Variants in SAMD8 observed in about 807,000 individuals in gnomAD.
SAMD8 encodes sterile alpha motif domain containing 8, also known as sphingomyelin synthase-related protein 1.
In SAMD8, 20 loss-of-function variants were observed where a neutral mutation model predicts 42.0. The ratio of observed to expected loss-of-function variants is 0.48; its 90% CI spans 0.34 to 0.69. SAMD8 has a LOEUF of 0.69. SAMD8 is among the 30% of genes least tolerant of loss of function. The pLI, the probability that SAMD8 is intolerant of heterozygous loss-of-function variation, is 0.01. For synonymous variants in SAMD8, 162 were observed against 173.0 expected (o/e 0.94, Z 0.50); for missense variants, 328 against 511.6 (o/e 0.64, Z 3.46).
upstream of SAMD8, chr10:75,109,134 C>G: frequency 6.2e-7 from 1 of 1,603,692 alleles, no homozygotes; most frequent in Non-Finnish European, 8.5e-7. Flanking sequence ...CTCCCCCCAG[C>G]TCTGGGAGAG....
intron 2 of SAMD8, chr10:75,164,432 C>A: frequency 1.3e-5 from 9 of 706,878 alleles, no homozygotes; most frequent in Non-Finnish European, 1.6e-5. Context: ...AGAACCCTAA[C>A]TGGGAATCAA....
At chr10:75,118,587 T>G (rs557742588) in intron 1 of SAMD8, among the ~76,000 whole-genome samples, 23 of 152,292 alleles carry the variant, frequency 1.5e-4, no homozygotes, top group Admixed American at 1.4e-3. Context: ...GAGGCTGCAG[T>G]GGGCTGAGAT....
chr10:75,144,731 C>A (rs1333167237), intron 1 of SAMD8, among the ~76,000 whole-genome samples: 1 of 152,022 alleles, frequency 6.6e-6, no homozygotes, highest in Non-Finnish European at 1.5e-5. Context: ...GATCTCAGTC[C>A]ACTGCAGCCT....
chr10:75,161,779 G>A (rs561206209), intron 2 of SAMD8, among the ~76,000 whole-genome samples: 3 of 151,914 alleles, frequency 2.0e-5, no homozygotes, highest in Non-Finnish European at 2.9e-5. Flanking sequence ...CTTTGGGAGC[G>A]CTTTGGGAGC....
intron 1 of SAMD8, among the ~76,000 whole-genome samples, chr10:75,132,698 T>A (rs1849300381): frequency 3.0e-5 from 1 of 33,602 alleles, no homozygotes; most frequent in East Asian, 0.033. Context: ...AAAGGCAGAT[T>A]TTTTTTTTTG....
At chr10:75,124,214 C>T (rs968942160) in intron 1 of SAMD8, among the ~76,000 whole-genome samples, 11 of 152,120 alleles carry the variant, frequency 7.2e-5, no homozygotes, top group African/African-American at 2.7e-4. Context: ...CTTCATTTCT[C>T]AGAGTCTTCT....
intron 4 of SAMD8, among the ~76,000 whole-genome samples, chr10:75,169,527 C>G (rs1840795539): frequency 1.3e-5 from 2 of 151,740 alleles, no homozygotes; most frequent in African/African-American, 2.4e-5. Context: ...AATTTTCTTT[C>G]AATTATCATT....
chr10:75,126,790 C>T (rs1334633570), intron 1 of SAMD8, among the ~76,000 whole-genome samples: 4 of 151,794 alleles, frequency 2.6e-5, no homozygotes, highest in Admixed American at 6.6e-5. Flanking sequence ...CCTGAGCCAC[C>T]GGGTTGGCCG....
chr10:75,144,281 A>G (rs556799082), intron 1 of SAMD8, among the ~76,000 whole-genome samples: 2 of 152,128 alleles, frequency 1.3e-5, no homozygotes, highest in South Asian at 2.1e-4. Flanking sequence ...TGATTTTTTT[A>G]TATAGTTCAG....
At position 75,177,119 on chromosome 10, in the gene SAMD8, A is replaced by T. The variant is rs1476433907; in HGVS notation, c.*427A>T. On this transcript the variant is annotated 3_prime_UTR_variant, in exon 6 of 6. Transcript: ENST00000542569. ...TTAGAAGAAGAAACCCTAACAAGTGACAGTACTTGTTCTTTGGACTAATCT... is the reference window on the plus strand; with the variant it reads ...TTAGAAGAAGAAACCCTAACAAGTGTCAGTACTTGTTCTTTGGACTAATCT... The T allele has an allele frequency of 6.4e-6, 1 of 157,096 alleles. No homozygotes were observed. Among genetic ancestry groups the T allele is most frequent in the Non-Finnish European group, 1.4e-5 (1 of 71,172 alleles). The allele number at this position is 157,096 out of a possible 1,614,324, so 9.7% of individuals were successfully genotyped here. A position where few individuals can be genotyped will look rare whatever the true frequency, so the allele number is the denominator to read the frequency against.
rs1267895761 is a variant in SAMD8, at chr10:75,153,689, C to T, written c.578+2583C>T. 6.6e-5 allele frequency among the ~76,000 whole-genome samples: 10 copies of T among 151,820 alleles called. No homozygotes were observed. The East Asian group carries it at 1.3e-3, about 20-fold the overall frequency. ...GAAAATGAAATGAATTTAAAATGTC[C>T]GTGTTCCTATGCCAGAATAATGTAT... On this transcript the variant is annotated intron_variant, in intron 2 of 5. Transcript: ENST00000542569.
At chr10:75,160,636 G>A (rs138806952) in intron 2 of SAMD8, among the ~76,000 whole-genome samples, 2 of 152,294 alleles carry the variant, frequency 1.3e-5, no homozygotes, top group African/African-American at 4.8e-5. Flanking sequence ...TAAAATGGCA[G>A]TAAAAGAGTG....
At chr10:75,171,361 G>A (rs1362529018) in intron 4 of SAMD8, among the ~76,000 whole-genome samples, 1 of 150,622 alleles carries the variant, frequency 6.6e-6, no homozygotes, top group Non-Finnish European at 1.5e-5. Context: ...TAGAGACGGG[G>A]TTTCACTGTG....
intron 1 of SAMD8, among the ~76,000 whole-genome samples, chr10:75,123,323 A>G (rs1053008146): frequency 4.6e-5 from 7 of 152,122 alleles, no homozygotes; most frequent in African/African-American, 1.7e-4. Context: ...TTCCTCTGGT[A>G]GTACCTCGGC....
chr10:75,143,907 CTT>C (rs1354606217), intron 1 of SAMD8, among the ~76,000 whole-genome samples: 1 of 148,696 alleles, frequency 6.7e-6, no homozygotes, highest in African/African-American at 2.5e-5. Context: ...CACTGATGTT[CTT>C]TCTTTGGTGT....
intron 1 of SAMD8, among the ~76,000 whole-genome samples, chr10:75,127,066 G>C (rs1315929008): frequency 1.3e-5 from 2 of 151,858 alleles, no homozygotes; most frequent in East Asian, 3.9e-4. Flanking sequence ...GCTTGTGCCT[G>C]TAGTCCCAAC....
chr10:75,146,729 G>T (rs1272994481), intron 1 of SAMD8, among the ~76,000 whole-genome samples: 4 of 152,110 alleles, frequency 2.6e-5, no homozygotes, highest in Non-Finnish European at 5.9e-5. Flanking sequence ...GATAAAAGCT[G>T]AATTCTTAAA....
intron 4 of SAMD8, chr10:75,175,819 G>A (rs1840979256): frequency 1.1e-6 from 1 of 933,346 alleles, no homozygotes; most frequent in African/African-American, 1.8e-5. Flanking sequence ...AAAGTGCTGG[G>A]ATTACAGGCA....
At chr10:75,142,134 G>A (rs1387117522) in intron 1 of SAMD8, among the ~76,000 whole-genome samples, 2 of 151,876 alleles carry the variant, frequency 1.3e-5, no homozygotes, top group African/African-American at 4.8e-5. Flanking sequence ...TTTTAGTAGA[G>A]ATGGGGTTTC....
Sources: gnomAD v4.1 joint callset for allele counts (sites outside exome capture counted in the v4.1 genomes callset) on GRCh38, gnomAD v4.1.1 for gene constraint, MANE v1.5 for transcripts, NCBI Gene and HGNC (gene_info 2026-07-23, HGNC 2026-07-21) for gene names.